Variants in PCDH11X observed in about 807,000 individuals in gnomAD.
PCDH11X encodes protocadherin-11 X-linked.
PCDH11X carries 18 observed loss-of-function variants against 53.3 expected under a neutral mutation model. The ratio of observed to expected loss-of-function variants is 0.34; its 90% CI spans 0.23 to 0.50. The LOEUF is 0.50. PCDH11X is among the 20% of genes least tolerant of loss of function. PCDH11X has a pLI of 0.98. For missense variants in PCDH11X, 570 were observed against 1,032.4 expected, an observed-to-expected ratio of 0.55 and a Z score of 6.14; for synonymous variants, 279 against 393.3, an observed-to-expected ratio of 0.71 and a Z score of 3.44.
intron 5 of PCDH11X, among the ~76,000 whole-genome samples, chrX:91,867,038 G>A (rs930873675): frequency 7.2e-5 from 8 of 111,497 alleles, no homozygotes; most frequent in African/African-American, 2.6e-4. Context: ...TTAGTTATTC[G>A]AATGACTTAC....
intron 6 of PCDH11X, among the ~76,000 whole-genome samples, chrX:92,198,892 ACT>A (rs1484208216): frequency 1.8e-5 from 2 of 111,328 alleles, no homozygotes; most frequent in African/African-American, 6.5e-5. Context: ...TTGAGCATTT[ACT>A]CTTCATCAAT....
At chrX:92,295,483 A>G (rs1210667580) in intron 8 of PCDH11X, among the ~76,000 whole-genome samples, 4 of 109,574 alleles carry the variant, frequency 3.7e-5, no homozygotes, top group Non-Finnish European at 5.7e-5. Flanking sequence ...TTTGTTTCTT[A>G]TTGTTATTAT....
intron 10 of PCDH11X, among the ~76,000 whole-genome samples, chrX:92,591,137 G>C (rs1225141922): frequency 9.0e-6 from 1 of 111,556 alleles, no homozygotes; most frequent in Non-Finnish European, 1.9e-5. Flanking sequence ...AGCCCATCGG[G>C]TGGCATCTTG....
intron 10 of PCDH11X, among the ~76,000 whole-genome samples, chrX:92,538,960 C>T (rs761816080): frequency 1.2e-3 from 99 of 85,571 alleles, no homozygotes; most frequent in Non-Finnish European, 2.0e-3. Context: ...AGACAGGTCT[C>T]GTGTTTATGG....
At chrX:92,306,821 G>A (rs1263812799) in intron 8 of PCDH11X, among the ~76,000 whole-genome samples, 2 of 110,792 alleles carry the variant, frequency 1.8e-5, no homozygotes, top group African/African-American at 3.3e-5. Flanking sequence ...GTGGTCGTGC[G>A]TGCCTGTAAT....
At chrX:92,306,375 A>G (rs1351868269) in intron 8 of PCDH11X, among the ~76,000 whole-genome samples, 3 of 107,147 alleles carry the variant, frequency 2.8e-5, no homozygotes, top group Non-Finnish European at 5.8e-5. Context: ...GAAAGAAATA[A>G]TAAAGACTAG....
At chrX:92,453,713 G>A (rs975129071) in intron 9 of PCDH11X, among the ~76,000 whole-genome samples, 5 of 110,855 alleles carry the variant, frequency 4.5e-5, no homozygotes, top group African/African-American at 1.6e-4. Flanking sequence ...GAAAACCAAA[G>A]AAGGTATTTC....
At position 91,908,038 on chromosome X, in the gene PCDH11X, G is replaced by A. The variant is rs140822837; in HGVS notation, c.3033+28765G>A. 5.2e-3 allele frequency among the ~76,000 whole-genome samples: 583 copies of A among 111,452 alleles called. 4 individuals are homozygous for A. The highest frequency in any genetic ancestry group is 0.018 in the African/African-American group (554 of 30,539). On this transcript the variant is annotated intron_variant, in intron 6 of 10. Coordinates refer to ENST00000682573, the MANE Select transcript of PCDH11X (RefSeq NM_032968.5). ...TTTCTTTATCCAGTCTATCACTGAT[G>A]GGCATTTAGGTTGATTCCATGTTTT...
In PCDH11X at chrX:91,819,805, A is replaced by G. The variant is rs1343222752; in HGVS notation, c.-45+8510A>G. Among the ~76,000 whole-genome samples the G allele has an allele frequency of 8.6e-3, 813 of 94,271 alleles. 14 individuals carry two copies. Among genetic ancestry groups the G allele is most frequent in the African/African-American group, 0.031 (772 of 25,149 alleles). 81.9% of individuals were successfully genotyped at this position (94,271 alleles called of 115,157 possible). On this transcript the variant is annotated intron_variant, in intron 4 of 10. Transcript: ENST00000682573. ...CATCTAGCATTAGGTATATCTCCCAATGCTATCCCTCCCCCCTCCCCCAAC... is the reference window on the plus strand; with the variant it reads ...CATCTAGCATTAGGTATATCTCCCAGTGCTATCCCTCCCCCCTCCCCCAAC...
chrX:91,953,559 G>C (rs1211181005), intron 6 of PCDH11X, among the ~76,000 whole-genome samples: 1 of 110,256 alleles, frequency 9.1e-6, no homozygotes, highest in Non-Finnish European at 1.9e-5. Context: ...GTAATTTCTT[G>C]TTATTGCTAA....
At chrX:92,497,672 G>A (rs976288516) in intron 10 of PCDH11X, among the ~76,000 whole-genome samples, 21 of 111,100 alleles carry the variant, frequency 1.9e-4, no homozygotes, top group Non-Finnish European at 3.2e-4. Flanking sequence ...TAAATCCTTC[G>A]AAGTATAAAC....
intron 10 of PCDH11X, among the ~76,000 whole-genome samples, chrX:92,491,549 A>C (rs903626103): frequency 8.1e-5 from 9 of 111,027 alleles, no homozygotes. Context: ...TAACCTACCC[A>C]TCACATACCA....
chrX:91,800,523 A>T (rs974747261), intron 1 of PCDH11X, among the ~76,000 whole-genome samples: 2 of 108,070 alleles, frequency 1.9e-5, no homozygotes, highest in African/African-American at 6.7e-5. Context: ...TGTCTGACAA[A>T]ATTAACACAG....
intron 10 of PCDH11X, among the ~76,000 whole-genome samples, chrX:92,482,121 G>T (rs1244796381): frequency 3.8e-5 from 4 of 105,438 alleles, no homozygotes; most frequent in Non-Finnish European, 7.8e-5. Flanking sequence ...TGGCCATCTT[G>T]CTCAGCTCCA....
chrX:91,963,700 T>TA (rs2061825088), intron 6 of PCDH11X, among the ~76,000 whole-genome samples: 1 of 111,694 alleles, frequency 9.0e-6, no homozygotes, highest in Non-Finnish European at 1.9e-5. Flanking sequence ...TGTATTAGTC[T>TA]GTTCTCACAC....
intron 1 of PCDH11X, among the ~76,000 whole-genome samples, chrX:91,782,107 T>C (rs1935166933): frequency 9.0e-6 from 1 of 111,268 alleles, no homozygotes; most frequent in Admixed American, 9.4e-5. Context: ...CGAGCAGCCC[T>C]GCCCCGCGCG....
chrX:92,314,517 TTAA>T (rs945607717), intron 8 of PCDH11X, among the ~76,000 whole-genome samples: 2 of 111,963 alleles, frequency 1.8e-5, no homozygotes, highest in South Asian at 3.7e-4. Context: ...AACATAATTG[TTAA>T]TTATTATTAT....
intron 10 of PCDH11X, among the ~76,000 whole-genome samples, chrX:92,540,685 C>T (rs1225598747): frequency 9.4e-6 from 1 of 106,936 alleles, no homozygotes; most frequent in Non-Finnish European, 1.9e-5. Context: ...GAAGTCAGTA[C>T]ATCTCAGAGC....
intron 6 of PCDH11X, among the ~76,000 whole-genome samples, chrX:92,003,014 C>CATGTG (rs1429054137): frequency 1.3e-4 from 12 of 94,474 alleles, no homozygotes; most frequent in Non-Finnish European, 1.7e-4. Flanking sequence ...CACTGTGATA[C>CATGTG]TATGTATTAG....
Sources: allele counts gnomAD v4.1 joint callset (sites outside exome capture counted in the v4.1 genomes callset), GRCh38; gene constraint gnomAD v4.1.1; transcripts MANE v1.5; gene names NCBI Gene and HGNC (gene_info 2026-07-23, HGNC 2026-07-21).